Variants in CLEC16A observed in about 807,000 individuals in gnomAD.
CLEC16A encodes C-type lectin domain containing 16A, also known as protein CLEC16A.
CLEC16A carries 51 observed loss-of-function variants against 109.5 expected under a neutral mutation model. That is an observed-to-expected ratio of 0.47 (90% CI 0.37 to 0.59). The LOEUF (loss-of-function observed/expected upper bound fraction) is 0.59. CLEC16A is among the 20% of genes least tolerant of loss of function. The probability of loss-of-function intolerance (pLI) is 0.00; values close to 1 mark genes in which losing one functional copy is unlikely to be tolerated. For synonymous variants in CLEC16A, 673 were observed against 564.2 expected (o/e 1.19, Z -2.73); for missense variants, 1,339 against 1,394.0 (o/e 0.96, Z 0.63).
rs376422391 is a variant in CLEC16A, at chr16:11,166,480, G to A, written c.2734G>A (p.Gly912Arg). The part of the protein sequence containing the change: ...PSASGSPSGS[G>R]STSHCDSGGT... ...CGCCAGCGGGAGCCCCAGCGGCAGC[G>A]GGAGCACCAGCCACTGCGACTCTGG... The change falls in exon 23 of 24, where the codon GGG (glycine) becomes AGG (arginine). Residue 912 changes from glycine (G) to arginine (R), a missense_variant. Gly to Arg is a moderately radical substitution (Grantham distance 125, BLOSUM62 -2). Transcript: ENST00000409790. The A allele has an allele frequency of 2.5e-5, 40 of 1,608,518 alleles. No homozygotes were observed. The highest frequency in any genetic ancestry group is 1.3e-4 in the African/African-American group (10 of 74,928).
At position 11,181,932 on chromosome 16, in the gene CLEC16A, A is replaced by G. The variant is rs946021540; in HGVS notation, c.*3242A>G. ...TAAATCTGAAGCATTTAATGTAGTCATCTTGACATTGGGCCTACACTGTAC... is the reference window on the plus strand; with the variant it reads ...TAAATCTGAAGCATTTAATGTAGTCGTCTTGACATTGGGCCTACACTGTAC... On this transcript the variant is annotated 3_prime_UTR_variant, in exon 24 of 24. Transcript: ENST00000409790. 6.6e-6 allele frequency: 1 copy of G among 152,668 alleles called. No individual in the cohort carries two copies. The highest frequency in any genetic ancestry group is 2.4e-5 in the African/African-American group (1 of 41,454). The allele number at this position is 152,668 out of a possible 1,614,324, so 9.5% of individuals were successfully genotyped here.
intron 19 of CLEC16A, among the ~76,000 whole-genome samples, chr16:11,110,079 C>A (rs960601498): frequency 6.6e-6 from 1 of 152,192 alleles, no homozygotes; most frequent in African/African-American, 2.4e-5. Flanking sequence ...CAGTAATGGG[C>A]TACAGCCTGT....
chr16:11,098,337 G>C lies in CLEC16A; in HGVS notation c.2117-22278G>C, dbSNP rs572333510. The stretch of plus-strand genomic sequence containing the variant: ...GAGAATGCGTGCCTGTGCACGCCGA[G>C]GATGCAGAAAGGGACAGGGGACCAA... On this transcript the variant is annotated intron_variant, in intron 19 of 23. Transcript: ENST00000409790. Among the ~76,000 whole-genome samples the C allele has an allele frequency of 4.6e-5, 7 of 152,354 alleles. No individual in the cohort carries two copies. In the East Asian group the frequency reaches 1.2e-3, roughly 25 times the overall value.
At chr16:10,988,507 C>T in intron 10 of CLEC16A, among the ~76,000 whole-genome samples, 1 of 152,176 alleles carries the variant, frequency 6.6e-6, no homozygotes. Context: ...GAGTGAATGA[C>T]TCAGTGGGTG....
intron 19 of CLEC16A, among the ~76,000 whole-genome samples, chr16:11,074,113 T>C (rs2049218175): frequency 6.6e-6 from 1 of 152,202 alleles, no homozygotes; most frequent in South Asian, 2.1e-4. Context: ...CCCAAATTAT[T>C]TAACCTCTCT....
At position 11,137,702 on chromosome 16, in the gene CLEC16A, A is replaced by G. The variant is rs561824388; in HGVS notation, c.2641+11556A>G. ...TGTGTGCCTGTAGTCCCAGCTACTCAGGAGGCTGAGGCAGGAGAATTGCTT... is the reference window on the plus strand; with the variant it reads ...TGTGTGCCTGTAGTCCCAGCTACTCGGGAGGCTGAGGCAGGAGAATTGCTT... On this transcript the variant is annotated intron_variant, in intron 22 of 23. Coordinates refer to ENST00000409790, the MANE Select transcript of CLEC16A (RefSeq NM_015226.3). Among the ~76,000 whole-genome samples, 13 of 151,958 alleles carry G rather than the reference A, an allele frequency of 8.6e-5. No individual in the cohort carries two copies. In the East Asian group the frequency reaches 2.5e-3, roughly 29 times the overall value.
At chr16:11,049,845 T>C (rs1190500653) in intron 17 of CLEC16A, among the ~76,000 whole-genome samples, 1 of 152,134 alleles carries the variant, frequency 6.6e-6, no homozygotes, top group Non-Finnish European at 1.5e-5. Flanking sequence ...AGTGAATGAG[T>C]GAGGCAGGAA....
intron 22 of CLEC16A, among the ~76,000 whole-genome samples, chr16:11,147,417 A>G (rs1345685749): frequency 6.6e-6 from 1 of 152,172 alleles, no homozygotes; most frequent in Non-Finnish European, 1.5e-5. Context: ...GCCTGATTTG[A>G]AGATGAAATG....
intron 19 of CLEC16A, among the ~76,000 whole-genome samples, chr16:11,091,638 C>T (rs2050311533): frequency 6.6e-6 from 1 of 152,186 alleles, no homozygotes; most frequent in Non-Finnish European, 1.5e-5. Context: ...TGCTGCTTGC[C>T]AACCAGGTGA....
chr16:10,948,051 G>A (rs1024788105), intron 1 of CLEC16A, among the ~76,000 whole-genome samples: 15 of 151,996 alleles, frequency 9.9e-5, no homozygotes, highest in Admixed American at 3.9e-4. Context: ...CCGCCACCAC[G>A]CCCAGCTAAT....
chr16:11,120,022 G>C (rs976502582), intron 19 of CLEC16A, among the ~76,000 whole-genome samples: 3 of 152,114 alleles, frequency 2.0e-5, no homozygotes, highest in Admixed American at 1.3e-4. Flanking sequence ...CCAGGTTGGA[G>C]TGCAGAGCGC....
intron 1 of CLEC16A, among the ~76,000 whole-genome samples, chr16:10,951,169 TTTC>T: frequency 6.6e-6 from 1 of 152,188 alleles, no homozygotes; most frequent in East Asian, 1.9e-4. Context: ...TTGGTTACAG[TTTC>T]TCTTCTCCAG....
rs200873564 is a variant in CLEC16A, at chr16:11,181,247, C to A, written c.*2557C>A. On this transcript the variant is annotated 3_prime_UTR_variant, in exon 24 of 24. Coordinates refer to ENST00000409790, the MANE Select transcript of CLEC16A (RefSeq NM_015226.3). The stretch of plus-strand genomic sequence containing the variant: ...CTCCCGTCAAACCTCATAGCTGGGG[C>A]GCTCCCAGACAGGCCAGTCCAGACA... 6.6e-6 allele frequency: 1 copy of A among 152,306 alleles called. No individual in the cohort carries two copies. The highest frequency in any genetic ancestry group is 2.4e-5 in the African/African-American group (1 of 41,444). 9.4% of individuals were successfully genotyped at this position (152,306 alleles called of 1,614,324 possible).
intron 10 of CLEC16A, among the ~76,000 whole-genome samples, chr16:10,993,434 C>T (rs1030950296): frequency 1.1e-4 from 16 of 152,128 alleles, no homozygotes; most frequent in African/African-American, 2.9e-4. Context: ...TCTCATTTCA[C>T]GCTCATAATG....
At chr16:11,053,237 C>G (rs11863415) in intron 18 of CLEC16A, among the ~76,000 whole-genome samples, 35,595 of 152,062 alleles carry the variant, frequency 0.23, 6,176 homozygotes, top group African/African-American at 0.49. Flanking sequence ...GTTTTTCTTA[C>G]CACTTCTATG....
At chr16:11,008,340 C>G (rs1332058553) in intron 11 of CLEC16A, among the ~76,000 whole-genome samples, 2 of 152,184 alleles carry the variant, frequency 1.3e-5, no homozygotes, top group Admixed American at 6.5e-5. Context: ...CTGCCATTTC[C>G]CTGAAAAGCA....
At chr16:11,038,357 G>A (rs533553032) in intron 13 of CLEC16A, among the ~76,000 whole-genome samples, 15 of 152,246 alleles carry the variant, frequency 9.9e-5, no homozygotes, top group South Asian at 2.1e-4. Context: ...AGGAAAAGAC[G>A]TGGTACAAGC....
At chr16:11,060,770 C>A (rs1323397772) in intron 18 of CLEC16A, 132 bp from the exon 19 acceptor site, 2 of 946,422 alleles carry the variant, frequency 2.1e-6, no homozygotes, top group Non-Finnish European at 2.9e-6. Context: ...ATCAAAACAC[C>A]CGAAGAGGTG....
intron 10 of CLEC16A, among the ~76,000 whole-genome samples, chr16:10,988,877 A>G (rs993842009): frequency 1.3e-5 from 2 of 152,232 alleles, no homozygotes; most frequent in African/African-American, 4.8e-5. Flanking sequence ...GTGCATAAAT[A>G]TTAGATGTTA....
Sources: gnomAD v4.1 joint callset for allele counts (sites outside exome capture counted in the v4.1 genomes callset) on GRCh38, gnomAD v4.1.1 for gene constraint, MANE v1.5 for transcripts, NCBI Gene and HGNC (gene_info 2026-07-23, HGNC 2026-07-21) for gene names.